ANXA8: variants seen among roughly 807,000 people sequenced by gnomAD.
ANXA8 encodes annexin A8.
A neutral mutation model predicts 26.8 loss-of-function variants in ANXA8; 9 were observed. That is an observed-to-expected ratio of 0.34 (90% CI 0.20 to 0.59). ANXA8 has a LOEUF of 0.59. Among genes scored for constraint, ANXA8 ranks in the 20% least tolerant of loss-of-function variants. ANXA8 has a pLI of 0.84. For missense variants in ANXA8, 83 were observed against 238.5 expected, an observed-to-expected ratio of 0.35 and a Z score of 4.29; for synonymous variants, 39 against 94.8, an observed-to-expected ratio of 0.41 and a Z score of 3.42.
the ANXA8 span, among the ~76,000 whole-genome samples, chr10:47,941,840 G>A: frequency 6.8e-6 from 1 of 147,648 alleles, no homozygotes; most frequent in Admixed American, 6.7e-5. Flanking sequence ...GAAGGAAAAG[G>A]CATGTGGAGA....
the ANXA8 span, among the ~76,000 whole-genome samples, chr10:47,683,905 T>C: frequency 4.6e-5 from 7 of 151,762 alleles, no homozygotes; most frequent in Non-Finnish European, 7.4e-5. Flanking sequence ...AAAAGCACTC[T>C]CTTTTAATGA....
At chr10:47,672,986 G>T in the ANXA8 span, among the ~76,000 whole-genome samples, 2 of 150,626 alleles carry the variant, frequency 1.3e-5, no homozygotes, top group African/African-American at 2.5e-5. Context: ...AGAAACCCAT[G>T]GTTGCTCTAG....
the ANXA8 span, among the ~76,000 whole-genome samples, chr10:47,702,719 C>T: frequency 6.6e-6 from 1 of 151,594 alleles, no homozygotes; most frequent in Admixed American, 6.6e-5. Flanking sequence ...CTCCAACTTC[C>T]GCCTCCTGGG....
At chr10:47,705,962 G>A in the ANXA8 span, among the ~76,000 whole-genome samples, 1 of 150,900 alleles carries the variant, frequency 6.6e-6, no homozygotes. Flanking sequence ...ACGGCGCGAA[G>A]AGGGGCGGTG....
At chr10:47,907,282 G>A in the ANXA8 span, among the ~76,000 whole-genome samples, 5 of 152,102 alleles carry the variant, frequency 3.3e-5, no homozygotes, top group African/African-American at 7.2e-5. Context: ...GCGTGAACCC[G>A]GGAGGCGGAG....
chr10:47,937,203 G>A, the ANXA8 span, among the ~76,000 whole-genome samples: 70 of 149,762 alleles, frequency 4.7e-4, 6 homozygotes, highest in South Asian at 1.5e-3. Flanking sequence ...ACACTTGTCC[G>A]AAAGAGGTGC....
the ANXA8 span, among the ~76,000 whole-genome samples, chr10:47,653,335 A>G: frequency 6.6e-6 from 1 of 150,394 alleles, no homozygotes; most frequent in Non-Finnish European, 1.5e-5. Context: ...CAAACAAACA[A>G]AAAACCAGTC....
At chr10:47,672,047 TCTC>T in the ANXA8 span, among the ~76,000 whole-genome samples, 170 of 151,472 alleles carry the variant, frequency 1.1e-3, no homozygotes, top group Middle Eastern at 3.4e-3. Context: ...TTATTTCTGT[TCTC>T]CTTCTACAGT....
upstream of ANXA8, among the ~76,000 whole-genome samples, chr10:47,485,152 T>C (rs1840010731): frequency 2.0e-5 from 3 of 152,098 alleles, no homozygotes; most frequent in Non-Finnish European, 4.4e-5. Flanking sequence ...CTCCATATTG[T>C]ACGCCAAACC....
chr10:47,976,574 AT>A, the ANXA8 span, among the ~76,000 whole-genome samples: 2 of 90,830 alleles, frequency 2.2e-5, no homozygotes, highest in African/African-American at 8.7e-5. Context: ...CACACACACA[AT>A]TAACATTCTC....
chr10:47,522,481 C>T, the ANXA8 span, among the ~76,000 whole-genome samples: 5 of 150,916 alleles, frequency 3.3e-5, no homozygotes, highest in African/African-American at 9.9e-5. Flanking sequence ...ATTTTAAGCA[C>T]TCTCCTTTTT....
At chr10:47,688,112 A>C in the ANXA8 span, among the ~76,000 whole-genome samples, 1 of 148,684 alleles carries the variant, frequency 6.7e-6, no homozygotes, top group Non-Finnish European at 1.5e-5. Flanking sequence ...AAAATAAATA[A>C]ATAAAGGGTC....
chr10:47,953,848 T>C, the ANXA8 span, among the ~76,000 whole-genome samples: 5 of 150,664 alleles, frequency 3.3e-5, 1 homozygote, highest in African/African-American at 1.2e-4. Flanking sequence ...TGGGATCTCA[T>C]GTCAACCCGG....
chr10:47,693,087 A>T, the ANXA8 span, among the ~76,000 whole-genome samples: 1 of 151,662 alleles, frequency 6.6e-6, no homozygotes, highest in Non-Finnish European at 1.5e-5. Context: ...TTCTTTGTTG[A>T]TTTAAAATTG....
chr10:47,608,010 C>A, the ANXA8 span, among the ~76,000 whole-genome samples: 1 of 147,432 alleles, frequency 6.8e-6, no homozygotes, highest in African/African-American at 2.6e-5. Context: ...AAGGTCAATA[C>A]AATTGGTAAT....
At chr10:47,656,122 T>A in the ANXA8 span, among the ~76,000 whole-genome samples, 2 of 150,124 alleles carry the variant, frequency 1.3e-5, no homozygotes, top group East Asian at 4.0e-4. Flanking sequence ...TTAGGCTGGG[T>A]GTGGTGGCTC....
At chr10:47,733,167 T>TTCTTTCTTTCTTTCTCTCTCTCTCTC in the ANXA8 span, among the ~76,000 whole-genome samples, 5 of 99,654 alleles carry the variant, frequency 5.0e-5, no homozygotes, top group African/African-American at 1.3e-4. Flanking sequence ...CTTTCTTTCT[T>TTCTTTCTTTCTTTCTCTCTCTCTCTC]TCTTTCTTTC....
At chr10:47,950,325 A>G in the ANXA8 span, among the ~76,000 whole-genome samples, 2 of 152,166 alleles carry the variant, frequency 1.3e-5, no homozygotes, top group African/African-American at 2.4e-5. Flanking sequence ...TTTCTCAGTA[A>G]CTTATAGAAC....
chr10:47,733,231 C>CTTTCTT, the ANXA8 span, among the ~76,000 whole-genome samples: 86 of 74,892 alleles, frequency 1.1e-3, no homozygotes, highest in Admixed American at 2.4e-3. Flanking sequence ...CTCTTTCTTT[C>CTTTCTT]TCTCTTTCTT....
Sources: gnomAD v4.1 joint callset for allele counts (sites outside exome capture counted in the v4.1 genomes callset) on GRCh38, gnomAD v4.1.1 for gene constraint, MANE v1.5 for transcripts, NCBI Gene and HGNC (gene_info 2026-07-23, HGNC 2026-07-21) for gene names.